SIPA1L1: variants seen among roughly 807,000 people sequenced by gnomAD.
SIPA1L1 encodes the protein signal-induced proliferation-associated 1-like protein 1.
SIPA1L1 carries 26 observed loss-of-function variants against 162.7 expected under a neutral mutation model. The observed-to-expected ratio is 0.16, with a 90% confidence interval of 0.12 to 0.22. The LOEUF is 0.22. SIPA1L1 is among the 10% of genes least tolerant of loss of function. The pLI, the probability that SIPA1L1 is intolerant of heterozygous loss-of-function variation, is 1.00. For missense variants in SIPA1L1, 1,874 were observed against 2,241.0 expected (o/e 0.84, Z 3.31); for synonymous variants, 829 against 837.4 (o/e 0.99, Z 0.17).
intron 2 of SIPA1L1, among the ~76,000 whole-genome samples, chr14:71,405,191 T>C (rs1286139809): frequency 1.3e-5 from 2 of 152,164 alleles, no homozygotes; most frequent in African/African-American, 4.8e-5. Flanking sequence ...CTTAAGTAGA[T>C]AGATTGACCA....
intron 7 of SIPA1L1, 22 bp from the exon 8 acceptor site, chr14:71,650,313 A>C: frequency 2.5e-6 from 4 of 1,613,686 alleles, no homozygotes; most frequent in Non-Finnish European, 3.4e-6. Flanking sequence ...ATTTATATGC[A>C]TCGTATTACC....
intron 7 of SIPA1L1, among the ~76,000 whole-genome samples, chr14:71,640,443 A>G (rs1596574597): frequency 6.6e-6 from 1 of 152,168 alleles, no homozygotes; most frequent in Non-Finnish European, 1.5e-5. Context: ...ACATTTGCTG[A>G]TAGGTTAAGA....
intron 2 of SIPA1L1, chr14:71,330,258 A>C (rs751104535): frequency 4.4e-6 from 3 of 687,226 alleles, no homozygotes; most frequent in Non-Finnish European, 8.1e-6. Context: ...GGAGGGGCTG[A>C]AAGTAGAAGT....
At chr14:71,453,401 C>T (rs1309781357) in intron 2 of SIPA1L1, among the ~76,000 whole-genome samples, 1 of 152,150 alleles carries the variant, frequency 6.6e-6, no homozygotes, top group Non-Finnish European at 1.5e-5. Flanking sequence ...ATAGCTAGGA[C>T]TGCAGGTGTG....
At chr14:71,621,910 CTAA>C (rs1392615477) in intron 6 of SIPA1L1, among the ~76,000 whole-genome samples, 3 of 151,930 alleles carry the variant, frequency 2.0e-5, no homozygotes, top group Non-Finnish European at 2.9e-5. Context: ...TTTTTTCTCT[CTAA>C]TAATAAATAA....
chr14:71,633,766 A>G (rs1156416016), intron 7 of SIPA1L1, among the ~76,000 whole-genome samples: 1 of 152,230 alleles, frequency 6.6e-6, no homozygotes, highest in Non-Finnish European at 1.5e-5. Context: ...GATAAAACAA[A>G]TAGGAATCAC....
At chr14:71,470,207 G>A (rs2047343242) in intron 2 of SIPA1L1, among the ~76,000 whole-genome samples, 1 of 152,188 alleles carries the variant, frequency 6.6e-6, no homozygotes, top group African/African-American at 2.4e-5. Context: ...CTGGATGACA[G>A]TTACCAAATT....
chr14:71,499,532 A>C (rs539095390), intron 2 of SIPA1L1, among the ~76,000 whole-genome samples: 6 of 152,318 alleles, frequency 3.9e-5, no homozygotes, highest in African/African-American at 1.4e-4. Flanking sequence ...TTGTATCATA[A>C]TATGGTAATT....
Position 71,587,701 on chromosome 14 carries a change from T to C in SIPA1L1, c.-172T>C. The C allele has an allele frequency of 1.5e-6, 1 of 650,098 alleles. No homozygotes were observed. Among genetic ancestry groups the C allele is most frequent in the South Asian group, 2.4e-5 (1 of 41,314 alleles). The allele number at this position is 650,098 out of a possible 1,614,324, so 40.3% of individuals were successfully genotyped here. A position where few individuals can be genotyped will look rare whatever the true frequency, so the allele number is the denominator to read the frequency against. On this transcript the variant is annotated 5_prime_UTR_variant, in exon 5 of 24. Coordinates refer to ENST00000381232, the MANE Select transcript of SIPA1L1 (RefSeq NM_001386936.1). ...GGATTATAACGTTTAGAAGTTCCAATTTTTCAGTGCTTTACAAATAAAGCA... is the reference window on the plus strand; with the variant it reads ...GGATTATAACGTTTAGAAGTTCCAACTTTTCAGTGCTTTACAAATAAAGCA...
chr14:71,556,310 C>T (rs1335809562), intron 4 of SIPA1L1, among the ~76,000 whole-genome samples: 1 of 152,218 alleles, frequency 6.6e-6, no homozygotes, highest in Non-Finnish European at 1.5e-5. Context: ...GAAAACACTT[C>T]TGTGACAAAA....
intron 2 of SIPA1L1, among the ~76,000 whole-genome samples, chr14:71,425,458 T>A (rs997663900): frequency 2.0e-5 from 3 of 152,152 alleles, no homozygotes; most frequent in Admixed American, 6.5e-5. Context: ...CCCCTGTGAT[T>A]TCTCCTTTGA....
intron 2 of SIPA1L1, among the ~76,000 whole-genome samples, chr14:71,409,117 T>TA (rs1247167501): frequency 6.6e-6 from 1 of 152,224 alleles, no homozygotes; most frequent in African/African-American, 2.4e-5. Context: ...TGTTGCTTTT[T>TA]AAAGTGAGTA....
intron 21 of SIPA1L1, among the ~76,000 whole-genome samples, chr14:71,734,138 G>T (rs79538456): frequency 2.6e-5 from 4 of 152,236 alleles, no homozygotes; most frequent in African/African-American, 9.6e-5. Context: ...CTTTCATCAC[G>T]TCGCAAGACA....
intron 10 of SIPA1L1, among the ~76,000 whole-genome samples, chr14:71,663,941 T>C (rs1392420178): frequency 1.3e-5 from 2 of 152,202 alleles, no homozygotes; most frequent in African/African-American, 4.8e-5. Flanking sequence ...CACAAGAGAT[T>C]ATAGAGCAGT....
chr14:71,417,500 A>AAAAAAAC lies in SIPA1L1; in HGVS notation c.-464-95240_-464-95239insAAACAAA, dbSNP rs1566996062. 1.0e-4 allele frequency among the ~76,000 whole-genome samples: 15 copies of AAAAAAAC among 146,518 alleles called. 1 individual carries two copies. Among genetic ancestry groups the AAAAAAAC allele is most frequent in the African/African-American group, 3.7e-4 (15 of 40,352 alleles). On this transcript the variant is annotated intron_variant, in intron 2 of 23. Transcript: ENST00000381232. ...AAAAAAAAAAAAAAAAAAAAAAAAAAAAAGAAAATCCTAAAGAAGAGAAAA... is the reference window on the plus strand; with the variant it reads ...AAAAAAAAAAAAAAAAAAAAAAAAAAAAAAAACAAAGAAAATCCTAAAGAAGAGAAAA...
intron 2 of SIPA1L1, among the ~76,000 whole-genome samples, chr14:71,351,218 T>A (rs1037188030): frequency 1.1e-4 from 16 of 152,142 alleles, no homozygotes; most frequent in African/African-American, 3.9e-4. Flanking sequence ...GATACTAAAA[T>A]TTCATGGGAG....
At chr14:71,662,052 G>A (rs1429318832) in intron 10 of SIPA1L1, among the ~76,000 whole-genome samples, 1 of 152,224 alleles carries the variant, frequency 6.6e-6, no homozygotes, top group East Asian at 1.9e-4. Flanking sequence ...AGTTGAAGGA[G>A]ATAGGGACCT....
At chr14:71,628,131 A>G (rs1318690879) in intron 7 of SIPA1L1, among the ~76,000 whole-genome samples, 1 of 152,230 alleles carries the variant, frequency 6.6e-6, no homozygotes, top group African/African-American at 2.4e-5. Flanking sequence ...AAAAAAATAA[A>G]TAATTTAAAA....
intron 2 of SIPA1L1, among the ~76,000 whole-genome samples, chr14:71,387,875 C>T (rs561760920): frequency 2.6e-5 from 4 of 152,186 alleles, no homozygotes; most frequent in Non-Finnish European, 5.9e-5. Flanking sequence ...TAAATAAAAA[C>T]CTAAGGCAGA....
Sources: gnomAD v4.1 joint callset for allele counts (sites outside exome capture counted in the v4.1 genomes callset) on GRCh38, gnomAD v4.1.1 for gene constraint, MANE v1.5 for transcripts, NCBI Gene and HGNC (gene_info 2026-07-23, HGNC 2026-07-21) for gene names.